Variants in CEP112 observed in about 807,000 individuals in gnomAD.
CEP112 encodes the protein centrosomal protein of 112 kDa.
CEP112 carries 127 observed loss-of-function variants against 153.0 expected under a neutral mutation model. The observed-to-expected ratio is 0.83, with a 90% CI of 0.72 to 0.96. CEP112 has a LOEUF of 0.96. Among genes scored for constraint, CEP112 ranks in the 40% least tolerant of loss-of-function variants. CEP112 has a pLI of 0.00. For synonymous variants in CEP112, 358 were observed against 374.4 expected, an observed-to-expected ratio of 0.96 and a Z score of 0.51; for missense variants, 1,089 against 1,101.2, an observed-to-expected ratio of 0.99 and a Z score of 0.16.
intron 16 of CEP112, among the ~76,000 whole-genome samples, chr17:66,015,336 C>A (rs1020699773): frequency 6.6e-6 from 1 of 152,052 alleles, no homozygotes; most frequent in Non-Finnish European, 1.5e-5. Context: ...TATTTAAATT[C>A]ATCTCTATTT....
intron 18 of CEP112, among the ~76,000 whole-genome samples, chr17:65,945,415 G>A (rs1170680325): frequency 1.3e-5 from 2 of 152,292 alleles, no homozygotes; most frequent in Middle Eastern, 3.4e-3. Flanking sequence ...CAGAATAGCT[G>A]AGAATAAGGC....
At chr17:66,116,495 G>A (rs2069300968) in intron 6 of CEP112, among the ~76,000 whole-genome samples, 1 of 152,052 alleles carries the variant, frequency 6.6e-6, no homozygotes, top group Admixed American at 6.6e-5. Flanking sequence ...GCACATCACA[G>A]AATGTTTTGT....
At chr17:65,923,004 G>A (rs2060788401) in intron 19 of CEP112, among the ~76,000 whole-genome samples, 1 of 152,010 alleles carries the variant, frequency 6.6e-6, no homozygotes, top group Admixed American at 6.6e-5. Flanking sequence ...CATCACTAAA[G>A]TTGTGGAAAA....
At chr17:65,743,298 G>T in intron 22 of CEP112, 81 bp from the exon 23 acceptor site, 1 of 1,098,736 alleles carries the variant, frequency 9.1e-7, no homozygotes, top group Non-Finnish European at 1.3e-6. Flanking sequence ...CTTAACAAAA[G>T]AATGGATTTG....
intron 20 of CEP112, among the ~76,000 whole-genome samples, chr17:65,858,071 A>T (rs1432319049): frequency 3.3e-5 from 5 of 152,144 alleles, no homozygotes; most frequent in Non-Finnish European, 4.4e-5. Context: ...CAACTTGGTG[A>T]TTACATACGT....
intron 17 of CEP112, among the ~76,000 whole-genome samples, chr17:65,997,069 G>A (rs368041144): frequency 6.6e-6 from 1 of 152,030 alleles, no homozygotes; most frequent in South Asian, 2.1e-4. Context: ...AAATTAGGCA[G>A]GCGTGGTGGT....
chr17:66,011,025 T>C (rs2064502321), intron 16 of CEP112, among the ~76,000 whole-genome samples: 1 of 152,064 alleles, frequency 6.6e-6, no homozygotes, highest in Non-Finnish European at 1.5e-5. Flanking sequence ...ACAGCTTCAG[T>C]AGGAATAGTA....
chr17:66,099,859 C>G (rs189632687), intron 6 of CEP112, among the ~76,000 whole-genome samples: 204 of 152,292 alleles, frequency 1.3e-3, no homozygotes, highest in Non-Finnish European at 2.2e-3. Context: ...TATCTCCCCA[C>G]TCTCATACAC....
intron 6 of CEP112, among the ~76,000 whole-genome samples, chr17:66,125,901 G>C (rs1026185364): frequency 2.6e-5 from 4 of 152,028 alleles, no homozygotes; most frequent in African/African-American, 9.7e-5. Context: ...ATAAAAGTTG[G>C]TCTTTCTATG....
At chr17:65,910,862 A>C (rs1384633523) in intron 19 of CEP112, among the ~76,000 whole-genome samples, 1 of 152,186 alleles carries the variant, frequency 6.6e-6, no homozygotes, top group Non-Finnish European at 1.5e-5. Flanking sequence ...CCAATTGAGG[A>C]AAAGAAACGT....
At position 65,980,987 on chromosome 17, in the gene CEP112, T is replaced by C. The variant is rs553405617; in HGVS notation, c.1737-19389A>G. Among the ~76,000 whole-genome samples the C allele has an allele frequency of 2.6e-5, 4 of 152,238 alleles. No individual in the cohort carries two copies. The East Asian group carries it at 7.8e-4, about 30-fold the overall frequency. On this transcript the variant is annotated intron_variant, in intron 17 of 26. Coordinates refer to ENST00000535342, the MANE Select transcript of CEP112 (RefSeq NM_001199165.4). ...GTGACGCTTCTATTAAAGAAATGTC[T>C]TTAGTAGAACATGGAGAGGGGTTTC... is the stretch of plus-strand genomic sequence containing the variant.
chr17:65,977,706 C>T (rs1000472841), intron 17 of CEP112, among the ~76,000 whole-genome samples: 4 of 152,048 alleles, frequency 2.6e-5, no homozygotes, highest in African/African-American at 9.7e-5. Flanking sequence ...TTTGGGAAGC[C>T]GAGGTGGGAG....
intron 17 of CEP112, among the ~76,000 whole-genome samples, chr17:65,995,917 C>T (rs1238022810): frequency 6.6e-6 from 1 of 152,126 alleles, no homozygotes; most frequent in Admixed American, 6.5e-5. Flanking sequence ...TTGCCTGCTG[C>T]CATGTAAGAA....
intron 21 of CEP112, among the ~76,000 whole-genome samples, chr17:65,775,565 C>T (rs1307313681): frequency 6.6e-6 from 1 of 151,818 alleles, no homozygotes; most frequent in Non-Finnish European, 1.5e-5. Flanking sequence ...GCAGCGGGTG[C>T]GATCTTGGCT....
In CEP112 at chr17:66,191,325, T is replaced by C. The variant is rs1350226136; in HGVS notation, c.-9+672A>G. 6.6e-6 allele frequency among the ~76,000 whole-genome samples: 1 copy of C among 152,228 alleles called. No homozygotes were observed. The highest frequency in any genetic ancestry group is 6.5e-5 in the Admixed American group (1 of 15,282). On this transcript the variant is annotated intron_variant, in intron 1 of 26. Transcript: ENST00000535342. The surrounding 1 kb of genome is among the most constrained non-coding windows in gnomAD (Gnocchi z 4.2). Reference sequence around the variant, plus strand: ...AATTTAATGTGCCTTTTCTATCTTATTTTGACTCATCTTAAAATATTAAAA... The same window carrying C: ...AATTTAATGTGCCTTTTCTATCTTACTTTGACTCATCTTAAAATATTAAAA...
chr17:66,020,894 A>C (rs2064974674), intron 16 of CEP112, among the ~76,000 whole-genome samples: 1 of 152,194 alleles, frequency 6.6e-6, no homozygotes, highest in South Asian at 2.1e-4. Context: ...TTGTCCAAGA[A>C]GGAAATGAAA....
chr17:65,890,423 G>C (rs1480663331), intron 20 of CEP112, among the ~76,000 whole-genome samples: 1 of 152,074 alleles, frequency 6.6e-6, no homozygotes, highest in Non-Finnish European at 1.5e-5. Flanking sequence ...AAAACTCAAA[G>C]CATCTGATGT....
intron 4 of CEP112, among the ~76,000 whole-genome samples, chr17:66,155,855 A>G (rs2071416802): frequency 6.6e-6 from 1 of 152,220 alleles, no homozygotes; most frequent in Non-Finnish European, 1.5e-5. Flanking sequence ...TGGGCAGGGC[A>G]TCTCTGAAAG....
intron 21 of CEP112, among the ~76,000 whole-genome samples, chr17:65,829,474 G>C (rs2146101031): frequency 6.6e-6 from 1 of 152,156 alleles, no homozygotes; most frequent in Non-Finnish European, 1.5e-5. Context: ...TCCCCTCAAA[G>C]AAGGTCTAAA....
Sources: allele counts gnomAD v4.1 joint callset (sites outside exome capture counted in the v4.1 genomes callset), GRCh38; gene constraint gnomAD v4.1.1; non-coding constraint Gnocchi (gnomAD v3.1); transcripts MANE v1.5; gene names NCBI Gene and HGNC (gene_info 2026-07-23, HGNC 2026-07-21).